AOPEP: variants seen among roughly 807,000 people sequenced by gnomAD.
AOPEP encodes the protein aminopeptidase O (putative).
A neutral mutation model predicts 98.1 loss-of-function variants in AOPEP; 77 were observed. The ratio of observed to expected loss-of-function variants is 0.78; its 90% CI spans 0.65 to 0.95. The LOEUF (loss-of-function observed/expected upper bound fraction) is 0.95. Ranked by LOEUF, AOPEP falls within the 40% of genes least tolerant of loss-of-function variation. The pLI is 0.00. For missense variants in AOPEP, 1,024 were observed against 1,024.7 expected (o/e 1.00, Z 0.01); for synonymous variants, 346 against 365.3 (o/e 0.95, Z 0.60).
At chr9:94,774,037 A>C (rs1198353940) in intron 3 of AOPEP, among the ~76,000 whole-genome samples, 1 of 152,176 alleles carries the variant, frequency 6.6e-6, no homozygotes, top group Non-Finnish European at 1.5e-5. Context: ...CAAAGGTGTG[A>C]GCCACTGTGC....
intron 5 of AOPEP, among the ~76,000 whole-genome samples, chr9:94,820,829 A>G (rs1415431765): frequency 6.6e-6 from 1 of 152,242 alleles, no homozygotes; most frequent in Non-Finnish European, 1.5e-5. Context: ...AGAGAAACCT[A>G]CATGCCATAG....
the AOPEP span, among the ~76,000 whole-genome samples, chr9:95,135,902 G>A: frequency 7.4e-3 from 1,122 of 152,222 alleles, 9 homozygotes; most frequent in Non-Finnish European, 0.01. Flanking sequence ...CCTGGGTTTC[G>A]GTCCCAGCGC....
rs953223621 is a variant in AOPEP at position 95,046,153 on chromosome 9, C to A, written c.2116-14541C>A. 2.0e-5 allele frequency among the ~76,000 whole-genome samples: 3 copies of A among 152,224 alleles called. No homozygotes were observed. The South Asian group carries it at 6.2e-4, about 32-fold the overall frequency. ...TGGCGTGAACAAATAGTGTCGGAAT[C>A]ATTTGATAAGTTAAATCTGTGATGT... is the stretch of plus-strand genomic sequence containing the variant. On this transcript the variant is annotated intron_variant, in intron 13 of 16. Transcript: ENST00000375315.
chr9:95,132,790 A>G, the AOPEP span, among the ~76,000 whole-genome samples: 1 of 152,244 alleles, frequency 6.6e-6, no homozygotes. Context: ...CCAAGAGGCC[A>G]AAGAACATTT....
chr9:95,138,165 G>A, the AOPEP span, among the ~76,000 whole-genome samples: 1 of 152,268 alleles, frequency 6.6e-6, no homozygotes, highest in Non-Finnish European at 1.5e-5. Context: ...GGCAGCCGAG[G>A]TCAGAGAGGA....
the AOPEP span, among the ~76,000 whole-genome samples, chr9:95,108,909 CTTT>C: frequency 1.4e-5 from 2 of 144,312 alleles, no homozygotes. Context: ...TCTTCAAGAC[CTTT>C]TTTTTTTTTT....
At chr9:95,082,899 G>T (rs920655201) in intron 16 of AOPEP, 180 bp downstream of exon 16, 3 of 649,412 alleles carry the variant, frequency 4.6e-6, no homozygotes, top group Non-Finnish European at 7.7e-6. Context: ...TGGGAGCCCC[G>T]GGTCCCTGGA....
At chr9:94,946,972 T>C (rs1275240390) in intron 7 of AOPEP, among the ~76,000 whole-genome samples, 2 of 151,926 alleles carry the variant, frequency 1.3e-5, no homozygotes, top group Non-Finnish European at 2.9e-5. Flanking sequence ...GTTTCTTTTT[T>C]GTTATTCTTT....
chr9:94,763,945 C>T (rs1437151743), intron 2 of AOPEP, among the ~76,000 whole-genome samples: 1 of 152,162 alleles, frequency 6.6e-6, no homozygotes, highest in Non-Finnish European at 1.5e-5. Context: ...TGGACATGTT[C>T]TGTCCTCAAG....
At chr9:95,126,729 A>G in the AOPEP span, 1 of 761,242 alleles carries the variant, frequency 1.3e-6, no homozygotes, top group Non-Finnish European at 2.3e-6. Flanking sequence ...CCACTGCTGT[A>G]CTGAAAACGC....
At chr9:95,107,621 G>A in the AOPEP span, 1 of 408,356 alleles carries the variant, frequency 2.4e-6, no homozygotes, top group Non-Finnish European at 4.6e-6. Context: ...GCCTATCACA[G>A]CCACAAATCA....
chr9:94,984,827 T>C (rs748687021), intron 11 of AOPEP, among the ~76,000 whole-genome samples: 2 of 152,206 alleles, frequency 1.3e-5, no homozygotes, highest in African/African-American at 2.4e-5. Context: ...AGTGAAATCG[T>C]CTGTATTTTT....
chr9:94,893,608 T>TG, intron 5 of AOPEP, among the ~76,000 whole-genome samples: 1 of 152,272 alleles, frequency 6.6e-6, no homozygotes, highest in Non-Finnish European at 1.5e-5. Context: ...GTCTTGTGCT[T>TG]GTGTGAGGAG....
At chr9:95,074,000 T>C (rs143765266) in intron 14 of AOPEP, among the ~76,000 whole-genome samples, 59 of 152,348 alleles carry the variant, frequency 3.9e-4, no homozygotes, top group African/African-American at 1.2e-3. Context: ...CACATAGATA[T>C]GCATACGTGT....
chr9:95,103,718 T>A, the AOPEP span, among the ~76,000 whole-genome samples: 10 of 152,114 alleles, frequency 6.6e-5, no homozygotes, highest in African/African-American at 2.4e-4. Flanking sequence ...GAGAAGAGGA[T>A]TCCGGGACAG....
chr9:95,139,893 C>T, the AOPEP span, among the ~76,000 whole-genome samples: 1 of 145,482 alleles, frequency 6.9e-6, no homozygotes, highest in South Asian at 2.1e-4. Flanking sequence ...TTTAAAGGGA[C>T]AATAAAGTAA....
At chr9:94,929,620 C>G (rs941105271) in intron 7 of AOPEP, among the ~76,000 whole-genome samples, 2 of 152,188 alleles carry the variant, frequency 1.3e-5, no homozygotes, top group Non-Finnish European at 2.9e-5. Context: ...GACCTGTGTT[C>G]CCGCCCCAAA....
At chr9:94,991,989 C>T (rs1050903138) in intron 11 of AOPEP, among the ~76,000 whole-genome samples, 9 of 152,166 alleles carry the variant, frequency 5.9e-5, no homozygotes, top group Admixed American at 5.9e-4. Flanking sequence ...AACAAACAAA[C>T]GAATGGGAAA....
At chr9:94,777,542 AAAAT>A (rs1842394551) in intron 3 of AOPEP, among the ~76,000 whole-genome samples, 1 of 151,976 alleles carries the variant, frequency 6.6e-6, no homozygotes, top group Admixed American at 6.6e-5. Context: ...AGTGTAAATA[AAAAT>A]GAAAAGGCAA....
Sources: allele counts gnomAD v4.1 joint callset (sites outside exome capture counted in the v4.1 genomes callset), GRCh38; gene constraint gnomAD v4.1.1; transcripts MANE v1.5; gene names NCBI Gene and HGNC (gene_info 2026-07-23, HGNC 2026-07-21).